Variants in BCAS4 observed in about 807,000 individuals in gnomAD.
The protein encoded by BCAS4 is breast carcinoma amplified sequence 4, also known as breast carcinoma-amplified sequence 4.
BCAS4 carries 9 observed loss-of-function variants against 15.7 expected under a neutral mutation model. The observed-to-expected ratio is 0.57, with a 90% CI of 0.34 to 1.00. The LOEUF (loss-of-function observed/expected upper bound fraction) is 1.00. BCAS4 is among the 50% of genes least tolerant of loss of function. The pLI is 0.02. For synonymous variants in BCAS4, 101 were observed against 99.5 expected (o/e 1.02, Z -0.09); for missense variants, 225 against 239.1 (o/e 0.94, Z 0.39).
intron 1 of BCAS4, among the ~76,000 whole-genome samples, chr20:50,801,728 G>A (rs183236436): frequency 1.5e-3 from 229 of 152,328 alleles, no homozygotes; most frequent in African/African-American, 5.2e-3. Flanking sequence ...GGTACCTGGT[G>A]TTGCAGGTGG....
rs1463643123 is a variant in BCAS4 at position 50,841,885 on chromosome 20, C to T, written c.384C>T (p.Leu128=). 1.9e-6 allele frequency: 3 copies of T among 1,587,858 alleles called. No individual in the cohort carries two copies. The highest frequency in any genetic ancestry group is 3.5e-5 in the Admixed American group (2 of 56,374). The change falls in exon 4 of 5, where the codon CTC becomes CTT. Residue 128 remains leucine, a synonymous_variant. Coordinates refer to ENST00000371608, the MANE Select transcript of BCAS4 (RefSeq NM_198799.4). ...GGAGGTGGCTGGGATCCGCAGGGCTCCCCTCCTTCAGGAACGTGAGTATCC... is the reference window on the plus strand; with the variant it reads ...GGAGGTGGCTGGGATCCGCAGGGCTTCCCTCCTTCAGGAACGTGAGTATCC... ...ALRRWLGSAG[L]PSFRNKSPAP...
At chr20:50,845,643 G>A (rs945203492) in intron 4 of BCAS4, among the ~76,000 whole-genome samples, 5 of 152,278 alleles carry the variant, frequency 3.3e-5, no homozygotes, top group Admixed American at 2.0e-4. Context: ...GGCCTCCCCC[G>A]ACCCCAGGCT....
chr20:50,859,703 T>C (rs1002380039), intron 4 of BCAS4, among the ~76,000 whole-genome samples: 1 of 152,174 alleles, frequency 6.6e-6, no homozygotes, highest in East Asian at 1.9e-4. Flanking sequence ...GCCGCTGGAA[T>C]GGTCCAGGAG....
chr20:50,837,656 C>G (rs760266315), intron 3 of BCAS4, among the ~76,000 whole-genome samples: 7 of 152,196 alleles, frequency 4.6e-5, no homozygotes, highest in Non-Finnish European at 8.8e-5. Flanking sequence ...TGGACGTGTG[C>G]GTCTCCTCTC....
At chr20:50,810,108 G>C (rs1184062951) in intron 1 of BCAS4, among the ~76,000 whole-genome samples, 1 of 151,730 alleles carries the variant, frequency 6.6e-6, no homozygotes, top group Non-Finnish European at 1.5e-5. Context: ...TCTCTTGTCT[G>C]ATTGCTCTGG....
At chr20:50,814,124 G>A (rs1186802704) in intron 1 of BCAS4, among the ~76,000 whole-genome samples, 1 of 152,132 alleles carries the variant, frequency 6.6e-6, no homozygotes, top group African/African-American at 2.4e-5. Flanking sequence ...CCTGTTGGTC[G>A]GGAATGTCTT....
chr20:50,836,408 T>C (rs1376343823), intron 3 of BCAS4, among the ~76,000 whole-genome samples: 1 of 152,202 alleles, frequency 6.6e-6, no homozygotes, highest in Admixed American at 6.5e-5. Context: ...AGGAAAGGAA[T>C]GTGCCATCTA....
chr20:50,796,189 C>T (rs1600838620), intron 1 of BCAS4, among the ~76,000 whole-genome samples: 1 of 150,742 alleles, frequency 6.6e-6, no homozygotes, highest in Admixed American at 6.7e-5. Flanking sequence ...TCGAGACCAG[C>T]CTGACCAACA....
chr20:50,838,026 C>T (rs1308045536), intron 3 of BCAS4, among the ~76,000 whole-genome samples: 1 of 147,634 alleles, frequency 6.8e-6, no homozygotes, highest in Non-Finnish European at 1.5e-5. Context: ...ACACACATGA[C>T]GTGGCTGATT....
chr20:50,818,038 C>A (rs2088162073), intron 1 of BCAS4, among the ~76,000 whole-genome samples, 173 bp from the exon 2 acceptor site: 2 of 151,804 alleles, frequency 1.3e-5, no homozygotes, highest in Admixed American at 1.3e-4. Flanking sequence ...GTGATGGGCG[C>A]CAGGACTGCT....
chr20:50,867,764 A>G (rs1156514563), intron 4 of BCAS4, among the ~76,000 whole-genome samples: 2 of 152,200 alleles, frequency 1.3e-5, no homozygotes, highest in Non-Finnish European at 1.5e-5. Flanking sequence ...AAATACAAAA[A>G]TTAGCCAGGT....
chr20:50,830,255 G>T, intron 2 of BCAS4, 24 bp from the exon 3 acceptor site: 1 of 1,597,088 alleles, frequency 6.3e-7, no homozygotes, highest in South Asian at 1.1e-5. Flanking sequence ...CAGAAGGCCT[G>T]ATGAGCTGTT....
intron 4 of BCAS4, among the ~76,000 whole-genome samples, chr20:50,856,005 T>G (rs1978741162): frequency 6.6e-6 from 1 of 152,092 alleles, no homozygotes; most frequent in South Asian, 2.1e-4. Flanking sequence ...GGGAAAGGCC[T>G]GCGGGAGGGA....
intron 1 of BCAS4, among the ~76,000 whole-genome samples, chr20:50,805,345 A>G (rs559537120): frequency 6.6e-6 from 1 of 152,294 alleles, no homozygotes; most frequent in East Asian, 1.9e-4. Flanking sequence ...GATTGGCCAG[A>G]GACTTGAAGG....
intron 1 of BCAS4, among the ~76,000 whole-genome samples, chr20:50,809,435 C>A (rs747164614): frequency 4.6e-5 from 7 of 152,146 alleles, no homozygotes; most frequent in Non-Finnish European, 1.0e-4. Context: ...TCTTGAACTC[C>A]TGATCTCAAG....
At chr20:50,876,043 C>A in intron 4 of BCAS4, 1 of 455,932 alleles carries the variant, frequency 2.2e-6, no homozygotes, top group South Asian at 1.5e-5. Flanking sequence ...CTCCGCCTCC[C>A]GGGTTCAAGT....
chr20:50,862,068 G>A (rs997158176), intron 4 of BCAS4, among the ~76,000 whole-genome samples: 3 of 151,330 alleles, frequency 2.0e-5, no homozygotes, highest in African/African-American at 7.3e-5. Flanking sequence ...TTGCTGTGTT[G>A]CCCGGCTGGA....
intron 4 of BCAS4, among the ~76,000 whole-genome samples, chr20:50,854,761 C>T (rs186872626): frequency 9.2e-4 from 140 of 152,266 alleles, no homozygotes; most frequent in African/African-American, 3.3e-3. Flanking sequence ...TGTTCCAAAC[C>T]CCCCCCACCA....
At chr20:50,862,193 A>G (rs1443833550) in intron 4 of BCAS4, among the ~76,000 whole-genome samples, 1 of 146,602 alleles carries the variant, frequency 6.8e-6, no homozygotes, top group African/African-American at 2.5e-5. Context: ...ACTTCCCCTC[A>G]TTTTCCCCTC....
Sources: gnomAD v4.1 joint callset for allele counts (sites outside exome capture counted in the v4.1 genomes callset) on GRCh38, gnomAD v4.1.1 for gene constraint, MANE v1.5 for transcripts, NCBI Gene and HGNC (gene_info 2026-07-23, HGNC 2026-07-21) for gene names.